The following GREM2 variants were observed in gnomAD, a reference collection of about 807,000 sequenced individuals.
The protein encoded by GREM2 is gremlin-2.
GREM2 carries 11 observed loss-of-function variants against 14.2 expected under a neutral mutation model. The ratio of observed to expected loss-of-function variants is 0.78; its 90% CI spans 0.49 to 1.28. GREM2 has a LOEUF of 1.28. Ranked by LOEUF, GREM2 falls within the 50% of genes most tolerant of loss-of-function variation. The pLI is 0.00. For synonymous variants in GREM2, 98 were observed against 97.6 expected (o/e 1.00, Z -0.02); for missense variants, 210 against 218.5 (o/e 0.96, Z 0.24).
chr1:240,603,199 C>A (rs767330703), intron 1 of GREM2, among the ~76,000 whole-genome samples: 4 of 152,222 alleles, frequency 2.6e-5, no homozygotes, highest in Non-Finnish European at 5.9e-5. Flanking sequence ...ACCTGATCAT[C>A]AACTGCGGCC....
At chr1:240,515,516 C>A (rs543044874) in intron 1 of GREM2, among the ~76,000 whole-genome samples, 1 of 152,110 alleles carries the variant, frequency 6.6e-6, no homozygotes, top group East Asian at 1.9e-4. Context: ...ATCAGGGAGA[C>A]TTTTATTATT....
At chr1:240,574,120 C>T (rs1419447616) in intron 1 of GREM2, among the ~76,000 whole-genome samples, 2 of 151,998 alleles carry the variant, frequency 1.3e-5, no homozygotes, top group African/African-American at 4.8e-5. Flanking sequence ...CAGGGTTTCA[C>T]CATGTTGGCC....
Position 240,490,829 on chromosome 1 carries a change from TCTC to T in GREM2, c.*2137_*2139del, listed in dbSNP as rs1193572763. 1.3e-5 allele frequency: 2 copies of T among 152,184 alleles called. No individual in the cohort carries two copies. Among genetic ancestry groups the T allele is most frequent in the African/African-American group, 4.8e-5 (2 of 41,436 alleles). The allele number at this position is 152,184 out of a possible 1,614,324, so 9.4% of individuals were successfully genotyped here. On this transcript the variant is annotated 3_prime_UTR_variant, in exon 2 of 2. Transcript: ENST00000318160. ...GTTGGCTCTGCAGCTGGTCAGAGACTCTCCTCCACTCACCTCCCAATCCACCCC... is the reference window on the plus strand; with the variant it reads ...GTTGGCTCTGCAGCTGGTCAGAGACTCTCCACTCACCTCCCAATCCACCCC...
Position 240,543,270 on chromosome 1 carries a change from C to T in GREM2, c.-1-49794G>A, listed in dbSNP as rs1320879084. Among the ~76,000 whole-genome samples, 1 of 152,134 alleles carries T rather than the reference C, an allele frequency of 6.6e-6. No individual in the cohort carries two copies. Among genetic ancestry groups the T allele is most frequent in the Non-Finnish European group, 1.5e-5 (1 of 68,040 alleles). On this transcript the variant is annotated intron_variant, in intron 1 of 1. Transcript: ENST00000318160. This position sits in a 1 kb window ranked among gnomAD's most constrained non-coding sequence, Gnocchi z 6.4. ...GGTAATCTATTAGTCTGTCGTCATGCTGCTAATAAAAAGACATACCTGAAA... is the reference window on the plus strand; with the variant it reads ...GGTAATCTATTAGTCTGTCGTCATGTTGCTAATAAAAAGACATACCTGAAA...
intron 1 of GREM2, among the ~76,000 whole-genome samples, chr1:240,598,261 G>T (rs1679858241): frequency 6.6e-6 from 1 of 152,184 alleles, no homozygotes; most frequent in African/African-American, 2.4e-5. Flanking sequence ...CCAAACTATT[G>T]TTCTGGTGTG....
At position 240,493,315 on chromosome 1, in the gene GREM2, G is replaced by A. The variant is rs760571838; in HGVS notation, c.161C>T (p.Ala54Val). 1 of 1,614,076 alleles carries A rather than the reference G, an allele frequency of 6.2e-7. No homozygotes were observed. Among genetic ancestry groups the A allele is most frequent in the Admixed American group, 1.7e-5 (1 of 60,024 alleles). The change falls in exon 2 of 2, where the codon GCC (alanine) becomes GTC (valine). Residue 54 changes from alanine (A) to valine (V), a missense_variant. Ala to Val is a moderately conservative substitution (Grantham distance 64, BLOSUM62 0). Transcript: ENST00000318160. ...GACCACCAGGGCCTCCTGGCTGGAGGCCAGCACCTCCTTGATCTGGTGCTG... is the reference window on the plus strand; with the variant it reads ...GACCACCAGGGCCTCCTGGCTGGAGACCAGCACCTCCTTGATCTGGTGCTG... ...RWQHQIKEVL[A>V]SSQEALVVTE...
chr1:240,583,050 C>T (rs369422828), intron 1 of GREM2, among the ~76,000 whole-genome samples: 1 of 152,010 alleles, frequency 6.6e-6, no homozygotes, highest in African/African-American at 2.4e-5. Context: ...TGACAATCTT[C>T]TTTTATGGCA....
At chr1:240,604,710 C>T (rs1679994502) in intron 1 of GREM2, among the ~76,000 whole-genome samples, 1 of 152,170 alleles carries the variant, frequency 6.6e-6, no homozygotes, top group Non-Finnish European at 1.5e-5. Flanking sequence ...ATAATCCCAG[C>T]ACTTTGTGAG....
chr1:240,538,768 A>C (rs1678531237), intron 1 of GREM2, among the ~76,000 whole-genome samples: 1 of 152,188 alleles, frequency 6.6e-6, no homozygotes, highest in Non-Finnish European at 1.5e-5. Flanking sequence ...CATGTTTGGT[A>C]AACTGTATGT....
At position 240,493,430 on chromosome 1, in the gene GREM2, C is replaced by T; in HGVS notation, c.46G>A (p.Val16Met). 1 of 1,611,846 alleles carries T rather than the reference C, an allele frequency of 6.2e-7. No homozygotes were observed. Among genetic ancestry groups the T allele is most frequent in the Non-Finnish European group, 8.5e-7 (1 of 1,179,088 alleles). Reference sequence around the variant, plus strand: ...TTCTTCCGGGCTTCCGCCACCTTCACCAGCACCGCCACCAGGAACAAGGAC... The same window carrying T: ...TTCTTCCGGGCTTCCGCCACCTTCATCAGCACCGCCACCAGGAACAAGGAC... Reference protein sequence around the residue: ...SLSLFLVAVLVKVAEARKNRP... With the variant: ...SLSLFLVAVLMKVAEARKNRP... Residue 16 changes from valine to methionine, a missense_variant, in exon 2 of 2, where the codon GTG becomes ATG. Physicochemically the swap from Val to Met is conservative, Grantham distance 21 (BLOSUM62 1). Coordinates refer to ENST00000318160, the MANE Select transcript of GREM2 (RefSeq NM_022469.4).
chr1:240,575,159 C>T (rs1005437907), intron 1 of GREM2, among the ~76,000 whole-genome samples: 42 of 152,008 alleles, frequency 2.8e-4, no homozygotes, highest in Admixed American at 6.5e-4. Context: ...TGATCCTTAG[C>T]GCTGCTACCC....
chr1:240,549,172 C>T (rs910222719), intron 1 of GREM2, among the ~76,000 whole-genome samples: 1 of 151,998 alleles, frequency 6.6e-6, no homozygotes, highest in Admixed American at 6.6e-5. Context: ...CCCATCTCTA[C>T]TAAAAATACA....
intron 1 of GREM2, among the ~76,000 whole-genome samples, chr1:240,548,006 A>G (rs1333428478): frequency 1.3e-5 from 2 of 152,078 alleles, no homozygotes; most frequent in African/African-American, 2.4e-5. Context: ...TCACACCTGT[A>G]ATCCCAACGG....
chr1:240,545,571 A>C (rs1354052607), intron 1 of GREM2, among the ~76,000 whole-genome samples: 1 of 125,216 alleles, frequency 8.0e-6, no homozygotes, highest in Non-Finnish European at 1.7e-5. Flanking sequence ...CATAGGACTT[A>C]ATGCTTGGCA....
At chr1:240,559,737 T>A (rs1679007469) in intron 1 of GREM2, among the ~76,000 whole-genome samples, 1 of 152,236 alleles carries the variant, frequency 6.6e-6, no homozygotes, top group Admixed American at 6.5e-5. Context: ...TAAATTTTTT[T>A]ATTTGCAAAT....
intron 1 of GREM2, among the ~76,000 whole-genome samples, chr1:240,565,724 T>C (rs1033819539): frequency 6.6e-6 from 1 of 151,752 alleles, no homozygotes; most frequent in African/African-American, 2.4e-5. Context: ...TGAGTGCCTG[T>C]AGTCCCAGCT....
chr1:240,537,233 G>C (rs1678493383), intron 1 of GREM2, among the ~76,000 whole-genome samples: 2 of 152,088 alleles, frequency 1.3e-5, no homozygotes, highest in South Asian at 4.1e-4. Flanking sequence ...AAAATATAGG[G>C]GAAATGTAAA....
chr1:240,496,533 C>G (rs969351322), intron 1 of GREM2, among the ~76,000 whole-genome samples: 2 of 152,210 alleles, frequency 1.3e-5, no homozygotes, highest in African/African-American at 2.4e-5. Flanking sequence ...TCTCCTCCTT[C>G]CCTGCTTTAT....
intron 1 of GREM2, among the ~76,000 whole-genome samples, chr1:240,518,042 G>A (rs778072424): frequency 1.3e-5 from 2 of 152,158 alleles, no homozygotes; most frequent in African/African-American, 2.4e-5. Flanking sequence ...TCAACAGCCC[G>A]AATCCTACAT....
Sources: gnomAD v4.1 joint callset for allele counts (sites outside exome capture counted in the v4.1 genomes callset) on GRCh38, gnomAD v4.1.1 for gene constraint, Gnocchi (gnomAD v3.1) non-coding constraint, MANE v1.5 for transcripts, NCBI Gene and HGNC (gene_info 2026-07-23, HGNC 2026-07-21) for gene names.